CNGA1: variants seen among roughly 807,000 people sequenced by gnomAD.
CNGA1 encodes the protein cyclic nucleotide-gated channel alpha-1.
Under a neutral mutation model 69.7 loss-of-function variants are expected in CNGA1, and 53 were observed. That is an observed-to-expected ratio of 0.76 (90% CI 0.61 to 0.96). The LOEUF (loss-of-function observed/expected upper bound fraction) is 0.96. Ranked by LOEUF, CNGA1 falls within the 40% of genes least tolerant of loss-of-function variation. The pLI, the probability that CNGA1 is intolerant of heterozygous loss-of-function variation, is 0.00. For synonymous variants in CNGA1, 249 were observed against 283.5 expected (o/e 0.88, Z 1.22); for missense variants, 739 against 811.2 (o/e 0.91, Z 1.08).
chr4:47,997,693 G>C (rs1429078961), intron 2 of CNGA1, among the ~76,000 whole-genome samples: 1 of 152,096 alleles, frequency 6.6e-6, no homozygotes, highest in African/African-American at 2.4e-5. Flanking sequence ...ACAACGCTTT[G>C]AGTCATTACA....
chr4:47,981,359 A>T (rs577477435), intron 3 of CNGA1, 34 bp downstream of exon 3: 1 of 152,350 alleles, frequency 6.6e-6, no homozygotes, highest in Non-Finnish European at 1.5e-5. Context: ...TGTGAAAAAT[A>T]TAACTCTAAT....
intron 2 of CNGA1, among the ~76,000 whole-genome samples, chr4:48,004,620 C>T (rs1427306879): frequency 2.6e-5 from 4 of 152,010 alleles, no homozygotes; most frequent in Non-Finnish European, 5.9e-5. Context: ...GCTGTAAAGT[C>T]TCATGTCCTA....
chr4:47,999,648 A>G (rs1205954731), intron 2 of CNGA1, among the ~76,000 whole-genome samples: 2 of 152,186 alleles, frequency 1.3e-5, no homozygotes, highest in Non-Finnish European at 2.9e-5. Flanking sequence ...AGGCAGGTGG[A>G]TCACCTGAGG....
At chr4:47,962,962 ATT>A (rs35562218) in intron 3 of CNGA1, among the ~76,000 whole-genome samples, 5 of 145,190 alleles carry the variant, frequency 3.4e-5, no homozygotes, top group East Asian at 2.0e-4. Context: ...TAATAGCTGA[ATT>A]TTTTTTTTTT....
intron 8 of CNGA1, 66 bp downstream of exon 8, chr4:47,943,115 A>G: frequency 1.8e-6 from 2 of 1,134,998 alleles, no homozygotes; most frequent in Non-Finnish European, 2.6e-6. Context: ...GTATTATGGA[A>G]AATCATCCCT....
chr4:47,944,793 A>G (rs1464749703), intron 6 of CNGA1, among the ~76,000 whole-genome samples: 1 of 152,138 alleles, frequency 6.6e-6, no homozygotes, highest in Non-Finnish European at 1.5e-5. Flanking sequence ...GTTCTCTGAG[A>G]GCAATAGGGA....
At chr4:47,974,654 A>G (rs1292659494) in intron 3 of CNGA1, among the ~76,000 whole-genome samples, 1 of 152,192 alleles carries the variant, frequency 6.6e-6, no homozygotes, top group Non-Finnish European at 1.5e-5. Context: ...AACATTTTCC[A>G]TAATACTGTT....
rs141978020 is a variant in CNGA1 at position 47,936,147 on chromosome 4, G to C, written c.*274C>G. On this transcript the variant is annotated 3_prime_UTR_variant, in exon 11 of 11. Transcript: ENST00000514170. ...ATGAAGAATATTACATAAAATGAGC[G>C]TATGTGAAAAAATCAGAAAATACAG... 12 of 494,758 alleles carry C rather than the reference G, an allele frequency of 2.4e-5. No homozygotes were observed. In the South Asian group the frequency reaches 2.8e-4, roughly 12 times the overall value. 30.6% of individuals were successfully genotyped at this position (494,758 alleles called of 1,614,324 possible). A position where few individuals can be genotyped will look rare whatever the true frequency, so the allele number is the denominator to read the frequency against.
intron 3 of CNGA1, 124 bp downstream of exon 3, chr4:47,981,269 G>A (rs956091354): frequency 1.3e-5 from 2 of 152,164 alleles, no homozygotes; most frequent in Non-Finnish European, 2.9e-5. Context: ...TACAATCATA[G>A]CTGTATCTAG....
At chr4:47,977,828 A>ATTTT (rs11415776) in intron 3 of CNGA1, among the ~76,000 whole-genome samples, 1 of 148,526 alleles carries the variant, frequency 6.7e-6, no homozygotes. Context: ...CATTTAAGTG[A>ATTTT]TTTTTTTTTT....
Position 47,937,138 on chromosome 4 carries a change from T to A in CNGA1, c.1344A>T (p.Glu448Asp). 1 of 1,614,230 alleles carries A rather than the reference T, an allele frequency of 6.2e-7. No homozygotes were observed. The highest frequency in any genetic ancestry group is 8.5e-7 in the Non-Finnish European group (1 of 1,180,036). Residue 448 changes from glutamate (E) to aspartate (D), a missense_variant, in exon 11 of 11, where the codon GAA becomes GAT. Glu to Asp is a conservative substitution (Grantham distance 45). Coordinates refer to ENST00000514170, the MANE Select transcript of CNGA1 (RefSeq NM_001379270.1). ...GTTTATCAGGTAGATACTTTAAGACTTCTTTCTCATCAACTGTTTTTTTGT... is the reference window on the plus strand; with the variant it reads ...GTTTATCAGGTAGATACTTTAAGACATCTTTCTCATCAACTGTTTTTTTGT... ...WTNKKTVDEK[E>D]VLKYLPDKLR...
intron 3 of CNGA1, among the ~76,000 whole-genome samples, chr4:47,962,001 G>A (rs565205818): frequency 6.6e-6 from 1 of 152,250 alleles, no homozygotes; most frequent in Admixed American, 6.5e-5. Flanking sequence ...AAATGTGCTG[G>A]AAGTGTCTGA....
intron 3 of CNGA1, among the ~76,000 whole-genome samples, chr4:47,964,282 A>T (rs570637705): frequency 1.2e-4 from 19 of 152,306 alleles, no homozygotes; most frequent in Non-Finnish European, 2.6e-4. Flanking sequence ...AGAAAAAATT[A>T]TATGAGTAAA....
intron 2 of CNGA1, among the ~76,000 whole-genome samples, chr4:48,000,783 C>T (rs1191711503): frequency 6.6e-6 from 1 of 152,004 alleles, no homozygotes; most frequent in Non-Finnish European, 1.5e-5. Context: ...AAATGAGAAA[C>T]AATGTAAGCT....
At chr4:48,011,384 C>T (rs1209233566) in intron 1 of CNGA1, among the ~76,000 whole-genome samples, 2 of 145,820 alleles carry the variant, frequency 1.4e-5, no homozygotes, top group African/African-American at 5.2e-5. Context: ...TAAATACACA[C>T]ATGCACACAT....
At chr4:47,956,350 G>T (rs1479090046) in intron 3 of CNGA1, among the ~76,000 whole-genome samples, 1 of 152,232 alleles carries the variant, frequency 6.6e-6, no homozygotes, top group African/African-American at 2.4e-5. Context: ...TAGGGTGACT[G>T]TTGTGCCAGG....
chr4:47,993,351 T>G (rs149655953), intron 2 of CNGA1, among the ~76,000 whole-genome samples: 2,274 of 152,186 alleles, frequency 0.015, 34 homozygotes, highest in Middle Eastern at 0.041. Context: ...TAAGTTACCA[T>G]TTCAATCTCA....
chr4:47,959,882 A>G (rs1243211808), intron 3 of CNGA1, among the ~76,000 whole-genome samples: 2 of 152,178 alleles, frequency 1.3e-5, no homozygotes, highest in Non-Finnish European at 2.9e-5. Context: ...CTGGGATTAC[A>G]GTTGTGAGCC....
At chr4:48,007,167 T>C (rs13148266) in intron 2 of CNGA1, among the ~76,000 whole-genome samples, 1 of 152,162 alleles carries the variant, frequency 6.6e-6, no homozygotes, top group East Asian at 1.9e-4. Flanking sequence ...CAAAATTTTA[T>C]AAATAATCTA....
Sources: gnomAD v4.1 joint callset for allele counts (sites outside exome capture counted in the v4.1 genomes callset) on GRCh38, gnomAD v4.1.1 for gene constraint, MANE v1.5 for transcripts, NCBI Gene and HGNC (gene_info 2026-07-23, HGNC 2026-07-21) for gene names.